Variants in PDE4D observed in about 807,000 individuals in gnomAD.
PDE4D encodes phosphodiesterase 4D, also known as 3',5'-cyclic-AMP phosphodiesterase 4D.
PDE4D carries 24 observed loss-of-function variants against 87.4 expected under a neutral mutation model. The ratio of observed to expected loss-of-function variants is 0.27; its 90% CI spans 0.20 to 0.39. The LOEUF (loss-of-function observed/expected upper bound fraction) is 0.39, where lower values mean the gene tolerates loss of function less well. Among genes scored for constraint, PDE4D ranks in the 10% least tolerant of loss-of-function variants. The pLI is 1.00. For missense variants in PDE4D, 714 were observed against 1,041.0 expected (o/e 0.69, Z 4.32); for synonymous variants, 384 against 383.2 (o/e 1.00, Z -0.02).
rs1250784052 is a variant in PDE4D, at chr5:59,668,894, GAAGAAGAAGAAGAAGAAGAAGAAGAAGA to G, written c.455+224246_455+224273del. On this transcript the variant is annotated intron_variant, in intron 1 of 14. Transcript: ENST00000340635. ...AGAAGAAGAAGAAGAAGAAGAAGAAGAAGAAGAAGAAGAAGAAGAAGAAGAAGAAAGAAAGAAAGAATTAGTTCACTGA... is the reference window on the plus strand; with the variant it reads ...AGAAGAAGAAGAAGAAGAAGAAGAAGAAGAAAGAAAGAATTAGTTCACTGA... 2.5e-3 allele frequency among the ~76,000 whole-genome samples: 196 copies of G among 78,284 alleles called. 9 individuals are homozygous for G. Among genetic ancestry groups the G allele is most frequent in the East Asian group, 0.013 (9 of 688 alleles). The allele number at this position is 78,284 out of a possible 152,430, so 51.4% of individuals were successfully genotyped here. A position where few individuals can be genotyped will look rare whatever the true frequency, so the allele number is the denominator to read the frequency against.
At chr5:59,337,936 G>T (rs1298000559) in intron 1 of PDE4D, among the ~76,000 whole-genome samples, 2 of 152,116 alleles carry the variant, frequency 1.3e-5, no homozygotes, top group Non-Finnish European at 2.9e-5. Context: ...TTCCCATTTA[G>T]GCTTTTACAA....
chr5:59,273,669 C>A (rs1276216324), intron 1 of PDE4D, among the ~76,000 whole-genome samples: 7 of 152,080 alleles, frequency 4.6e-5, no homozygotes. Context: ...ACACAGAAAT[C>A]ATTCTATCCC....
intron 2 of PDE4D, among the ~76,000 whole-genome samples, chr5:60,135,124 C>A (rs563334585): frequency 6.6e-6 from 1 of 152,274 alleles, no homozygotes; most frequent in African/African-American, 2.4e-5. Flanking sequence ...AGATGGGGCA[C>A]TTGAGATGTC....
intron 1 of PDE4D, among the ~76,000 whole-genome samples, chr5:60,325,608 T>A (rs939974114): frequency 1.3e-5 from 2 of 152,208 alleles, no homozygotes; most frequent in Non-Finnish European, 2.9e-5. Flanking sequence ...CTTTATTTTT[T>A]ATTTTTTTAT....
rs531997507 is a variant in PDE4D, at chr5:60,083,216, A to C, written c.43-94499T>G. 2.0e-5 allele frequency among the ~76,000 whole-genome samples: 3 copies of C among 152,346 alleles called. No individual in the cohort carries two copies. In the South Asian group the frequency reaches 6.2e-4, roughly 32 times the overall value. On this transcript the variant is annotated intron_variant, in intron 2 of 16. Transcript: ENST00000502484. ...GACAATATATATTTGCTGAATAAAT[A>C]AATGAACTCAGGACCTTTTAGTGGT...
At chr5:60,127,802 T>C (rs1779241468) in intron 2 of PDE4D, 1 of 458,230 alleles carries the variant, frequency 2.2e-6, no homozygotes, top group Non-Finnish European at 3.9e-6. Context: ...AGAGGACAAA[T>C]ATGGGCTGAA....
At chr5:60,066,496 T>G (rs1335433079) in intron 2 of PDE4D, among the ~76,000 whole-genome samples, 1 of 152,036 alleles carries the variant, frequency 6.6e-6, no homozygotes, top group East Asian at 1.9e-4. Flanking sequence ...TGAAATGAAA[T>G]AATCAATTTG....
intron 1 of PDE4D, among the ~76,000 whole-genome samples, chr5:60,214,512 AT>A: frequency 6.6e-6 from 1 of 152,214 alleles, no homozygotes; most frequent in East Asian, 1.9e-4. Flanking sequence ...ATAAAAATGA[AT>A]TTAGTATAAC....
At chr5:58,987,242 T>G (rs1561240660) in intron 11 of PDE4D, among the ~76,000 whole-genome samples, 1 of 152,344 alleles carries the variant, frequency 6.6e-6, no homozygotes, top group East Asian at 1.9e-4. Context: ...TATGCTTTGA[T>G]GAGTTCTAAA....
chr5:59,914,647 G>A (rs898116044), intron 3 of PDE4D, among the ~76,000 whole-genome samples: 1 of 149,922 alleles, frequency 6.7e-6, no homozygotes, highest in Non-Finnish European at 1.5e-5. Flanking sequence ...CCTTTGACAG[G>A]TTTTGAGAAG....
chr5:59,765,766 G>T (rs533583162), intron 1 of PDE4D, among the ~76,000 whole-genome samples: 2 of 152,156 alleles, frequency 1.3e-5, no homozygotes, highest in African/African-American at 4.8e-5. Flanking sequence ...AAAAGCAGAA[G>T]CAAGAAATAA....
intron 2 of PDE4D, among the ~76,000 whole-genome samples, chr5:60,019,799 G>A (rs527726195): frequency 7.2e-5 from 11 of 152,194 alleles, no homozygotes; most frequent in South Asian, 4.1e-4. Context: ...AAGGCTATTC[G>A]CTTTCTTACC....
intron 2 of PDE4D, among the ~76,000 whole-genome samples, chr5:60,049,827 G>T (rs1274082140): frequency 1.3e-5 from 2 of 152,210 alleles, no homozygotes; most frequent in Non-Finnish European, 2.9e-5. Flanking sequence ...TTGTTTGTCT[G>T]TGCCCTGCCC....
intron 1 of PDE4D, among the ~76,000 whole-genome samples, chr5:59,485,185 A>C (rs1341942694): frequency 5.3e-5 from 8 of 152,166 alleles, no homozygotes; most frequent in Admixed American, 5.2e-4. Context: ...GTAAGTAGTT[A>C]CTTGTTATTT....
intron 1 of PDE4D, among the ~76,000 whole-genome samples, chr5:59,855,148 A>C (rs1338010592): frequency 6.6e-6 from 1 of 152,090 alleles, no homozygotes; most frequent in Non-Finnish European, 1.5e-5. Flanking sequence ...TGCTGATGCA[A>C]ATGGTCTGTG....
intron 5 of PDE4D, among the ~76,000 whole-genome samples, chr5:59,156,767 T>C (rs1780287060): frequency 6.6e-6 from 1 of 152,204 alleles, no homozygotes; most frequent in East Asian, 1.9e-4. Context: ...CATGTTTTGG[T>C]ATATACAGCG....
At chr5:60,441,745 G>T (rs1428930480) in intron 1 of PDE4D, among the ~76,000 whole-genome samples, 1 of 151,624 alleles carries the variant, frequency 6.6e-6, no homozygotes, top group Non-Finnish European at 1.5e-5. Flanking sequence ...TTACAAGAAA[G>T]AAACCAAACA....
chr5:59,847,418 C>G (rs574469566), intron 1 of PDE4D, among the ~76,000 whole-genome samples: 1 of 152,126 alleles, frequency 6.6e-6, no homozygotes, highest in East Asian at 1.9e-4. Flanking sequence ...CTGACAGGGT[C>G]TTTGGCTGTG....
intron 1 of PDE4D, among the ~76,000 whole-genome samples, chr5:59,321,037 C>T (rs1193580444): frequency 6.6e-6 from 1 of 152,046 alleles, no homozygotes; most frequent in Non-Finnish European, 1.5e-5. Context: ...CCAATGATTT[C>T]CTGCACTTAA....
Sources: gnomAD v4.1 joint callset for allele counts (sites outside exome capture counted in the v4.1 genomes callset) on GRCh38, gnomAD v4.1.1 for gene constraint, MANE v1.5 for transcripts, NCBI Gene and HGNC (gene_info 2026-07-23, HGNC 2026-07-21) for gene names.